Variants in CCDC178 observed in about 807,000 individuals in gnomAD.
CCDC178 encodes coiled-coil domain-containing protein 178.
Under a neutral mutation model 117.4 loss-of-function variants are expected in CCDC178, and 126 were observed. That is an observed-to-expected ratio of 1.07 (90% CI 0.93 to 1.24). CCDC178 has a LOEUF of 1.24. Ranked by LOEUF, CCDC178 falls within the 50% of genes most tolerant of loss-of-function variation. The pLI, the probability that CCDC178 is intolerant of heterozygous loss-of-function variation, is 0.00. For missense variants in CCDC178, 1,030 were observed against 986.9 expected (o/e 1.04, Z -0.59); for synonymous variants, 283 against 313.4 (o/e 0.90, Z 1.02).
intron 20 of CCDC178, among the ~76,000 whole-genome samples, chr18:33,163,703 C>T (rs1568027649): frequency 6.6e-6 from 1 of 152,082 alleles, no homozygotes; most frequent in Admixed American, 6.6e-5. Context: ...ATAATATTTA[C>T]TAGTCATGAA....
In CCDC178 at chr18:33,331,986, CA is replaced by C. The variant is rs2062675606; in HGVS notation, c.879+1187del. On this transcript the variant is annotated intron_variant, in intron 10 of 22. Transcript: ENST00000383096. ...AGATATTGGAAACAACTCAGATGGC[CA>C]ACAGAAGATGAAATGGTAAGTAATT... is the stretch of plus-strand genomic sequence containing the variant. Among the ~76,000 whole-genome samples the C allele has an allele frequency of 5.3e-5, 8 of 152,084 alleles. 1 individual carries two copies. The South Asian group carries it at 1.7e-3, about 32-fold the overall frequency.
intron 20 of CCDC178, among the ~76,000 whole-genome samples, chr18:33,166,895 C>A (rs1431402436): frequency 6.6e-6 from 1 of 152,060 alleles, no homozygotes; most frequent in Admixed American, 6.6e-5. Flanking sequence ...AAGCATAGTA[C>A]CTGATAGGTA....
At chr18:33,093,652 G>A (rs1013097967) in intron 20 of CCDC178, among the ~76,000 whole-genome samples, 1 of 151,264 alleles carries the variant, frequency 6.6e-6, no homozygotes. Flanking sequence ...TAAATTAAAT[G>A]CCTGAACTGA....
In CCDC178 at chr18:33,386,422, CAACA is replaced by C. The variant is rs900002873; in HGVS notation, c.208+3114_208+3117del. 2.6e-3 allele frequency among the ~76,000 whole-genome samples: 389 copies of C among 151,788 alleles called. 2 individuals carry two copies. The highest frequency in any genetic ancestry group is 9.1e-3 in the African/African-American group (378 of 41,478). The stretch of plus-strand genomic sequence containing the variant: ...ACAACAACAAAAACAACAACAACAA[CAACA>C]AAAACTTCAGGCCAATAGCCCTAAT... On this transcript the variant is annotated intron_variant, in intron 5 of 22. Coordinates refer to ENST00000383096, the MANE Select transcript of CCDC178 (RefSeq NM_001105528.4).
At chr18:33,224,592 T>C (rs1256095408) in intron 17 of CCDC178, among the ~76,000 whole-genome samples, 183 bp downstream of exon 17, 1 of 152,188 alleles carries the variant, frequency 6.6e-6, no homozygotes, top group Non-Finnish European at 1.5e-5. Flanking sequence ...GGGTTCTAGA[T>C]AATAGCATTA....
intron 20 of CCDC178, among the ~76,000 whole-genome samples, chr18:33,106,231 T>C (rs1163866793): frequency 6.6e-6 from 1 of 151,616 alleles, no homozygotes; most frequent in Non-Finnish European, 1.5e-5. Flanking sequence ...CCTACACTTA[T>C]AACCCTGCCG....
At chr18:33,353,395 T>C (rs1409153123) in intron 7 of CCDC178, among the ~76,000 whole-genome samples, 1 of 152,124 alleles carries the variant, frequency 6.6e-6, no homozygotes, top group African/African-American at 2.4e-5. Context: ...AATCCATTTA[T>C]ATAAGAAGTA....
chr18:33,174,035 T>A (rs1160669831), intron 20 of CCDC178, among the ~76,000 whole-genome samples: 1 of 152,152 alleles, frequency 6.6e-6, no homozygotes, highest in Non-Finnish European at 1.5e-5. Flanking sequence ...AAAAGAGATG[T>A]AATTGGCTCA....
chr18:33,249,034 T>G (rs1212216295), intron 14 of CCDC178, among the ~76,000 whole-genome samples: 1 of 152,188 alleles, frequency 6.6e-6, no homozygotes, highest in Admixed American at 6.5e-5. Flanking sequence ...TGAGCATTTT[T>G]TCATGTGTGT....
At chr18:33,157,504 T>C (rs905720330) in intron 20 of CCDC178, among the ~76,000 whole-genome samples, 2 of 152,200 alleles carry the variant, frequency 1.3e-5, no homozygotes, top group African/African-American at 4.8e-5. Flanking sequence ...AAATATTAAA[T>C]GTATTTTAAG....
At chr18:33,349,961 T>C (rs1055044644) in intron 7 of CCDC178, among the ~76,000 whole-genome samples, 1 of 152,090 alleles carries the variant, frequency 6.6e-6, no homozygotes, top group African/African-American at 2.4e-5. Context: ...TTATTTTTCT[T>C]GTCATTGTTC....
At position 33,267,125 on chromosome 18, in the gene CCDC178, C is replaced by T. The variant is rs915241099; in HGVS notation, c.1273-73G>A. The T allele has an allele frequency of 2.9e-5, 44 of 1,518,032 alleles. No homozygotes were observed. In the African/African-American group the frequency reaches 5.0e-4, roughly 17 times the overall value. 94.0% of individuals were successfully genotyped at this position (1,518,032 alleles called of 1,614,324 possible). The stretch of plus-strand genomic sequence containing the variant: ...AAGGCAAAACCTATAATAATGAAAT[C>T]ACTTTTAGATATATGAGTTAATATT... On this transcript the variant is annotated intron_variant, in intron 13 of 22. Transcript: ENST00000383096.
intron 6 of CCDC178, among the ~76,000 whole-genome samples, chr18:33,362,950 T>A (rs373055691): frequency 1.3e-5 from 2 of 151,934 alleles, no homozygotes; most frequent in African/African-American, 4.8e-5. Context: ...ACTTAGGAAG[T>A]CTGAGTAAAT....
At chr18:32,972,846 T>C (rs2054957341) in intron 22 of CCDC178, among the ~76,000 whole-genome samples, 1 of 152,086 alleles carries the variant, frequency 6.6e-6, no homozygotes, top group African/African-American at 2.4e-5. Context: ...TGTTTTGTAG[T>C]AAGATTTTGA....
chr18:33,415,114 T>G (rs1568212128), intron 2 of CCDC178, among the ~76,000 whole-genome samples: 1 of 152,208 alleles, frequency 6.6e-6, no homozygotes. Context: ...GACTGTAAAC[T>G]AGTTCAACCA....
At position 33,425,927 on chromosome 18, in the gene CCDC178, T is replaced by G. The variant is rs140151971; in HGVS notation, c.-22-13817A>C. On this transcript the variant is annotated intron_variant, in intron 2 of 22. Transcript: ENST00000383096. The stretch of plus-strand genomic sequence containing the variant: ...AGATGTTCCTGATATATTTTTTCTT[T>G]TTTCGTTTTTTCATCTCATCTCTGT... 1.1e-3 allele frequency among the ~76,000 whole-genome samples: 172 copies of G among 152,298 alleles called. 1 individual carries two copies. The highest frequency in any genetic ancestry group is 3.8e-3 in the African/African-American group (159 of 41,562).
chr18:33,105,815 C>T (rs1332423227), intron 20 of CCDC178, among the ~76,000 whole-genome samples: 1 of 151,508 alleles, frequency 6.6e-6, no homozygotes, highest in Non-Finnish European at 1.5e-5. Context: ...AAACTACCTG[C>T]TTTGCTGCCT....
At chr18:33,346,179 A>G (rs2144677944) in intron 9 of CCDC178, 32 bp downstream of exon 9, 1 of 1,491,760 alleles carries the variant, frequency 6.7e-7, no homozygotes, top group African/African-American at 1.4e-5. Context: ...CCCCAACAGA[A>G]TAAGAAGTAA....
At chr18:32,941,066 G>A (rs1723620072) in intron 22 of CCDC178, among the ~76,000 whole-genome samples, 1 of 151,788 alleles carries the variant, frequency 6.6e-6, no homozygotes, top group African/African-American at 2.4e-5. Context: ...TAGAACTCCT[G>A]CAGTTTAATG....
Sources: allele counts gnomAD v4.1 joint callset (sites outside exome capture counted in the v4.1 genomes callset), GRCh38; gene constraint gnomAD v4.1.1; transcripts MANE v1.5; gene names NCBI Gene and HGNC (gene_info 2026-07-23, HGNC 2026-07-21).